The following CHRD variants were observed in gnomAD, a reference collection of about 807,000 sequenced individuals.
CHRD encodes chordin.
A neutral mutation model predicts 113.7 loss-of-function variants in CHRD; 69 were observed. That is an observed-to-expected ratio of 0.61 (90% CI 0.50 to 0.74). The LOEUF is 0.74. CHRD is among the 30% of genes least tolerant of loss of function. CHRD has a pLI of 0.00. For missense variants in CHRD, 1,194 were observed against 1,295.8 expected, an observed-to-expected ratio of 0.92 and a Z score of 1.21; for synonymous variants, 561 against 540.8, an observed-to-expected ratio of 1.04 and a Z score of -0.52.
At chr3:184,385,383 G>A (rs1716119174) in intron 14 of CHRD, 145 bp downstream of exon 14, 1 of 666,410 alleles carries the variant, frequency 1.5e-6, no homozygotes. Flanking sequence ...ACAGTGATTT[G>A]TAGGCTGGGT....
chr3:184,386,909 C>T, exon 17 of CHRD: 1 of 1,614,206 alleles, frequency 6.2e-7, no homozygotes, highest in Non-Finnish European at 8.5e-7. Context: ...CCGGTGCAGG[C>T]TCCCGACCAG....
Position 184,381,760 on chromosome 3 carries a change from C to G in CHRD, c.556C>G (p.Arg186Gly), listed in dbSNP as rs1316493652. 3 of 1,613,008 alleles carry G rather than the reference C, an allele frequency of 1.9e-6. No homozygotes were observed. The highest frequency in any genetic ancestry group is 1.3e-5 in the African/African-American group (1 of 74,938). Residue 186 changes from arginine (R) to glycine (G), a missense_variant, in exon 5 of 23, where the codon CGA becomes GGA. By Grantham distance (125) the Arg-to-Gly change is moderately radical. Transcript: ENST00000204604. The surrounding 1 kb of genome is among the most constrained non-coding windows in gnomAD (Gnocchi z 4.7). ...AGGGCCGAGGTCGCAGGCGGTGGCA[C>G]GAGCCCGAGTCTCGCTGCTGCGCTC...
intron 6 of CHRD, 181 bp downstream of exon 6, chr3:184,382,201 C>A: frequency 3.3e-6 from 4 of 1,226,296 alleles, no homozygotes; most frequent in Non-Finnish European, 4.7e-6. Flanking sequence ...TTCAAGGTCA[C>A]ACAGCTAGTA....
rs746248726 is a variant in CHRD, at chr3:184,381,865, G to A, written c.611+50G>A. The A allele has an allele frequency of 6.2e-7, 1 of 1,611,444 alleles. No individual in the cohort carries two copies. Among genetic ancestry groups the A allele is most frequent in the East Asian group, 2.2e-5 (1 of 44,804 alleles). On this transcript the variant is annotated intron_variant, in intron 5 of 22. Coordinates refer to ENST00000204604, the Ensembl canonical transcript of CHRD. This position sits in a 1 kb window ranked among gnomAD's most constrained non-coding sequence, Gnocchi z 4.7. ...GGGGTCAGCTGCCGGGGCCCGGGAG[G>A]GAAACTGGGAGAGCTGGGAGGGGCT...
In CHRD at chr3:184,387,602, A is replaced by G; in HGVS notation, c.2451+125A>G. 1.1e-6 allele frequency: 1 copy of G among 895,422 alleles called. No homozygotes were observed. The highest frequency in any genetic ancestry group is 1.7e-6 in the Non-Finnish European group (1 of 603,448). The allele number at this position is 895,422 out of a possible 1,614,324, so 55.5% of individuals were successfully genotyped here. ...CTCAAGAATCAAAACGATATGAGAA[A>G]AGGCCCTTGCGCTCTGAGAGTCGGC... On this transcript the variant is annotated intron_variant, in intron 19 of 22. Transcript: ENST00000204604. The surrounding 1 kb of genome is among the most constrained non-coding windows in gnomAD (Gnocchi z 6.1).
chr3:184,381,121 C>A lies in CHRD; in HGVS notation c.253-114C>A. On this transcript the variant is annotated intron_variant, in intron 2 of 22. Transcript: ENST00000204604. This position sits in a 1 kb window ranked among gnomAD's most constrained non-coding sequence, Gnocchi z 4.7. ...AGAGATGAAGTAGCTTGTCTAGGGTCACGCAGCTTGTAAGTGGCAGAGCTG... is the reference window on the plus strand; with the variant it reads ...AGAGATGAAGTAGCTTGTCTAGGGTAACGCAGCTTGTAAGTGGCAGAGCTG... The A allele has an allele frequency of 8.2e-7, 1 of 1,219,580 alleles. No individual in the cohort carries two copies. Among genetic ancestry groups the A allele is most frequent in the Non-Finnish European group, 1.2e-6 (1 of 829,768 alleles). 75.5% of individuals were successfully genotyped at this position (1,219,580 alleles called of 1,614,324 possible). A position where few individuals can be genotyped will look rare whatever the true frequency, so the allele number is the denominator to read the frequency against.
At chr3:184,389,427 C>G in exon 23 of CHRD, 1 of 1,613,038 alleles carries the variant, frequency 6.2e-7, no homozygotes. Context: ...TCTTAGGGAG[C>G]AGCCAGAGGG....
At chr3:184,382,060 C>T in intron 6 of CHRD, 40 bp downstream of exon 6, 2 of 1,609,166 alleles carry the variant, frequency 1.2e-6, no homozygotes, top group Non-Finnish European at 1.7e-6. Flanking sequence ...CCAGTCTGGG[C>T]ACTGTGCCGA....
rs762607770 is a variant in CHRD, at chr3:184,386,604, T to C, written c.2045T>C (p.Val682Ala). Reference sequence around the variant, plus strand: ...ACAGCCTCTGCTGCGCCGCCTGTGGTGCCTGGTCTCCCGGCCCTAGCGCCC... The same window carrying C: ...ACAGCCTCTGCTGCGCCGCCTGTGGCGCCTGGTCTCCCGGCCCTAGCGCCC... Residue 682 changes from valine to alanine, a missense_variant, in exon 16 of 23, where the codon GTG (valine) becomes GCG (alanine). By Grantham distance (64) the Val-to-Ala change is moderately conservative. Transcript: ENST00000204604. 71 of 1,603,992 alleles carry C rather than the reference T, an allele frequency of 4.4e-5. No individual in the cohort carries two copies. Among genetic ancestry groups the C allele is most frequent in the Non-Finnish European group, 5.8e-5 (68 of 1,177,646 alleles).
In CHRD at chr3:184,382,283, G is replaced by A. The variant is rs1388110368; in HGVS notation, c.700-106G>A. 9.0e-6 allele frequency: 14 copies of A among 1,548,814 alleles called. No homozygotes were observed. In the East Asian group the frequency reaches 2.7e-4, roughly 30 times the overall value. On this transcript the variant is annotated intron_variant, in intron 6 of 22. Transcript: ENST00000204604. The stretch of plus-strand genomic sequence containing the variant: ...TTTCTTAAGCTTCCTAGGGCACCCT[G>A]GAGGTTCCTTTCCATGTTCCTTTTT...
chr3:184,383,482 A>G, intron 11 of CHRD, 41 bp from the exon 12 acceptor site: 1 of 1,613,424 alleles, frequency 6.2e-7, no homozygotes, highest in Admixed American at 1.7e-5. Flanking sequence ...CCAGGCCTTT[A>G]CTGCCTCTCC....
At chr3:184,385,305 C>A in intron 14 of CHRD, 67 bp downstream of exon 14, 1 of 1,228,894 alleles carries the variant, frequency 8.1e-7, no homozygotes, top group Non-Finnish European at 1.2e-6. Context: ...GCTGTGTGGG[C>A]CTGTGTTGGG....
chr3:184,386,752 C>T, exon 16 of CHRD: 1 of 1,613,084 alleles, frequency 6.2e-7, no homozygotes, highest in Admixed American at 1.7e-5. Context: ...TCTGCACCTG[C>T]CAGGTAGGAG....
Position 184,387,181 on chromosome 3 carries a change from A to G in CHRD, c.2347+74A>G. 6.9e-7 allele frequency: 1 copy of G among 1,449,604 alleles called. No individual in the cohort carries two copies. Among genetic ancestry groups the G allele is most frequent in the Non-Finnish European group, 9.7e-7 (1 of 1,032,024 alleles). The allele number at this position is 1,449,604 out of a possible 1,614,324, so 89.8% of individuals were successfully genotyped here. ...AGGTTGAACCAGGAGGGGGACAAGAAGGGGAGAGTATATAGGGGGTGGCCT... is the reference window on the plus strand; with the variant it reads ...AGGTTGAACCAGGAGGGGGACAAGAGGGGGAGAGTATATAGGGGGTGGCCT... On this transcript the variant is annotated intron_variant, in intron 18 of 22. Transcript: ENST00000204604. This position sits in a 1 kb window ranked among gnomAD's most constrained non-coding sequence, Gnocchi z 6.1.
rs746431015 is a variant in CHRD at position 184,387,503 on chromosome 3, G to A, written c.2451+26G>A. On this transcript the variant is annotated intron_variant, in intron 19 of 22. Transcript: ENST00000204604. The surrounding 1 kb of genome is among the most constrained non-coding windows in gnomAD (Gnocchi z 6.1). ...GTATGGCCACCCAATCTTCTCTGGT[G>A]CCATAACCCAGCGGGGTCTGCAGAG... 4 of 1,579,218 alleles carry A rather than the reference G, an allele frequency of 2.5e-6. No homozygotes were observed. The South Asian group carries it at 4.7e-5, about 19-fold the overall frequency.
chr3:184,384,994 C>G lies in CHRD; in HGVS notation c.1598-24C>G. On this transcript the variant is annotated intron_variant, in intron 13 of 22. Transcript: ENST00000204604. This position sits in a 1 kb window ranked among gnomAD's most constrained non-coding sequence, Gnocchi z 4.4. ...TGCCCTAGGCCACCTTCTCACCTGT[C>G]ATCTCTCCTCTGTCTGGACCCAGCG... 2 of 1,609,230 alleles carry G rather than the reference C, an allele frequency of 1.2e-6. No individual in the cohort carries two copies. Among genetic ancestry groups the G allele is most frequent in the South Asian group, 2.2e-5 (2 of 90,906 alleles).
rs2108660369 is a variant in CHRD, at chr3:184,387,579, CAAGA to C, written c.2451+104_2451+107del. 9.0e-7 allele frequency: 1 copy of C among 1,110,094 alleles called. No homozygotes were observed. The highest frequency in any genetic ancestry group is 1.6e-5 in the African/African-American group (1 of 63,422). The allele number at this position is 1,110,094 out of a possible 1,614,324, so 68.8% of individuals were successfully genotyped here. On this transcript the variant is annotated intron_variant, in intron 19 of 22. Coordinates refer to ENST00000204604, the Ensembl canonical transcript of CHRD. The surrounding 1 kb of genome is among the most constrained non-coding windows in gnomAD (Gnocchi z 6.1). ...AGGCCCGTCCTTGGTGAGGAGGGCT[CAAGA>C]ATCAAAACGATATGAGAAAAGGCCC...
At chr3:184,389,423 G>A (rs1716869809) in exon 23 of CHRD, 4 of 1,613,350 alleles carry the variant, frequency 2.5e-6, no homozygotes, top group Admixed American at 1.7e-5. Context: ...AGGCTCTTAG[G>A]GAGCAGCCAG....
rs1577395357 is a variant in CHRD at position 184,384,027 on chromosome 3, G to A, written c.1440+385G>A. ...CTTGACCTCATGGTCCGCCCACTTC[G>A]GCCTCCCAAAGTGCTGGGATTACAG... On this transcript the variant is annotated intron_variant, in intron 12 of 22. Transcript: ENST00000204604. The surrounding 1 kb of genome is among the most constrained non-coding windows in gnomAD (Gnocchi z 4.4). 1.3e-5 allele frequency among the ~76,000 whole-genome samples: 2 copies of A among 152,052 alleles called. No individual in the cohort carries two copies. Among genetic ancestry groups the A allele is most frequent in the South Asian group, 2.1e-4 (1 of 4,818 alleles).
Sources: allele counts gnomAD v4.1 joint callset (sites outside exome capture counted in the v4.1 genomes callset), GRCh38; gene constraint gnomAD v4.1.1; non-coding constraint Gnocchi (gnomAD v3.1); transcripts MANE v1.5; gene names NCBI Gene and HGNC (gene_info 2026-07-23, HGNC 2026-07-21).